MCF2L2: variants seen among roughly 807,000 people sequenced by gnomAD.
MCF2L2 encodes MCF.2 cell line derived transforming sequence-like 2, also known as probable guanine nucleotide exchange factor MCF2L2.
A neutral mutation model predicts 150.2 loss-of-function variants in MCF2L2; 102 were observed. That is an observed-to-expected ratio of 0.68 (90% CI 0.58 to 0.80). The LOEUF (loss-of-function observed/expected upper bound fraction) is 0.80, where lower values mean the gene tolerates loss of function less well. Ranked by LOEUF, MCF2L2 falls within the 30% of genes least tolerant of loss-of-function variation. The pLI, the probability that MCF2L2 is intolerant of heterozygous loss-of-function variation, is 0.00. For synonymous variants in MCF2L2, 465 were observed against 491.3 expected (o/e 0.95, Z 0.71); for missense variants, 1,256 against 1,372.8 (o/e 0.91, Z 1.34).
chr3:183,205,735 T>TGC (rs953724792), intron 25 of MCF2L2, 141 bp downstream of exon 25: 1 of 639,982 alleles, frequency 1.6e-6, no homozygotes, highest in African/African-American at 1.8e-5. Flanking sequence ...CAAGCATAGG[T>TGC]GCTTCCAGGG....
intron 14 of MCF2L2, among the ~76,000 whole-genome samples, chr3:183,279,079 T>G (rs757809271): frequency 6.6e-6 from 1 of 152,172 alleles, no homozygotes; most frequent in Non-Finnish European, 1.5e-5. Flanking sequence ...TACCATGTTT[T>G]ATTAAGGTAT....
At position 183,205,852 on chromosome 3, in the gene MCF2L2, C is replaced by T. The variant is rs777351592; in HGVS notation, c.2884+24G>A. The T allele has an allele frequency of 2.2e-5, 35 of 1,583,982 alleles. No individual in the cohort carries two copies. The Middle Eastern group carries it at 5.0e-4, about 23-fold the overall frequency. ...GCTGAAATCAGTATAACTCGACAGA[C>T]GAAAGTCAGCAGGGGTAACCTACCT... is the stretch of plus-strand genomic sequence containing the variant. On this transcript the variant is annotated intron_variant, in intron 25 of 29. Transcript: ENST00000328913.
At chr3:183,271,075 T>C (rs1300333024) in intron 15 of MCF2L2, 2 of 759,174 alleles carry the variant, frequency 2.6e-6, no homozygotes, top group Non-Finnish European at 4.0e-6. Context: ...GAATGTTTCT[T>C]TGATTCTAGA....
rs767317749 is a variant in MCF2L2 at position 183,219,914 on chromosome 3, T to C, written c.2312A>G (p.Asp771Gly). 6.2e-7 allele frequency: 1 copy of C among 1,613,360 alleles called. No individual in the cohort carries two copies. Among genetic ancestry groups the C allele is most frequent in the Non-Finnish European group, 8.5e-7 (1 of 1,179,368 alleles). Residue 771 changes from aspartate (D) to glycine (G), a missense_variant, in exon 21 of 30, where the codon GAT becomes GGT. By Grantham distance (94) the Asp-to-Gly change is moderately conservative. Coordinates refer to ENST00000328913, the MANE Select transcript of MCF2L2 (RefSeq NM_015078.4). Reference protein sequence around the residue: ...KYQMLLKGLLDFESPEDMEID... With the variant: ...KYQMLLKGLLGFESPEDMEID... ...CTCCATATCTTCAGGAGACTCGAAA[T>C]CCAGCAGACCCTGCATTAACCCAAA...
Position 183,180,164 on chromosome 3 carries a change from G to A in MCF2L2, c.3017-5C>T. 3 of 1,593,974 alleles carry A rather than the reference G, an allele frequency of 1.9e-6. No individual in the cohort carries two copies. Among genetic ancestry groups the A allele is most frequent in the Non-Finnish European group, 2.6e-6 (3 of 1,162,258 alleles). On this transcript the variant is annotated splice_region_variant and splice_polypyrimidine_tract_variant and intron_variant, in intron 27 of 29. Coordinates refer to ENST00000328913, the MANE Select transcript of MCF2L2 (RefSeq NM_015078.4). ...TAAACTCCCTGCTGGAGCAGCCTTA[G>A]GGAGAGAAAGGGAAGGATGGGGCCT...
chr3:183,305,573 G>A lies in MCF2L2; in HGVS notation c.1113+4143C>T, dbSNP rs1170307676. On this transcript the variant is annotated intron_variant, in intron 10 of 29. Transcript: ENST00000328913. This position sits in a 1 kb window ranked among gnomAD's most constrained non-coding sequence, Gnocchi z 4.1. The stretch of plus-strand genomic sequence containing the variant: ...GCCCATAAAGGCAACTGAGGAGGCC[G>A]GGCGCAGTGGGTCACGCCTGTAATC... Among the ~76,000 whole-genome samples the A allele has an allele frequency of 3.9e-5, 6 of 152,150 alleles. No individual in the cohort carries two copies. Among genetic ancestry groups the A allele is most frequent in the African/African-American group, 7.2e-5 (3 of 41,426 alleles).
At chr3:183,260,031 C>T (rs73884611) in intron 15 of MCF2L2, among the ~76,000 whole-genome samples, 22,734 of 152,094 alleles carry the variant, frequency 0.15, 3,960 homozygotes, top group African/African-American at 0.42. Flanking sequence ...CCTCCCCTCC[C>T]GATGAGAACT....
intron 16 of MCF2L2, among the ~76,000 whole-genome samples, chr3:183,230,655 T>C (rs958818512): frequency 3.3e-5 from 5 of 152,266 alleles, no homozygotes; most frequent in African/African-American, 1.2e-4. Flanking sequence ...AATCTTCCCT[T>C]ATTAAAGTAT....
intron 3 of MCF2L2, among the ~76,000 whole-genome samples, chr3:183,350,036 T>C (rs940386782): frequency 6.6e-6 from 1 of 152,194 alleles, no homozygotes; most frequent in African/African-American, 2.4e-5. Flanking sequence ...CTGGCATATA[T>C]GGTCTCCCCG....
chr3:183,366,783 G>C (rs1577096334), intron 3 of MCF2L2, among the ~76,000 whole-genome samples: 1 of 152,236 alleles, frequency 6.6e-6, no homozygotes, highest in African/African-American at 2.4e-5. Flanking sequence ...ACAGCTTGCA[G>C]TAGATCTAGA....
At chr3:183,244,721 G>C (rs1182543399) in intron 15 of MCF2L2, among the ~76,000 whole-genome samples, 1 of 151,970 alleles carries the variant, frequency 6.6e-6, no homozygotes, top group Non-Finnish European at 1.5e-5. Context: ...ATAATACCAT[G>C]CTAATTTCAT....
Position 183,270,450 on chromosome 3 carries a change from T to C in MCF2L2, c.1862+6422A>G. On this transcript the variant is annotated intron_variant, in intron 15 of 29. Coordinates refer to ENST00000328913, the MANE Select transcript of MCF2L2 (RefSeq NM_015078.4). The surrounding 1 kb of genome is among the most constrained non-coding windows in gnomAD (Gnocchi z 4.5). ...TTTAGAACAAATTGGTGTTCAAGAC[T>C]TTTGGATTGGTCGTGTTCATCGTGG... 6.2e-7 allele frequency: 1 copy of C among 1,614,198 alleles called. No homozygotes were observed. Among genetic ancestry groups the C allele is most frequent in the Non-Finnish European group, 8.5e-7 (1 of 1,180,032 alleles).
intron 3 of MCF2L2, chr3:183,373,595 A>G (rs2314347): frequency 0.32 from 48,075 of 151,702 alleles, 11,690 homozygotes; most frequent in African/African-American, 0.68. Flanking sequence ...GCTTCTCCCT[A>G]TCCGCTCCTA....
At chr3:183,395,050 C>T (rs943412154) in intron 1 of MCF2L2, among the ~76,000 whole-genome samples, 2 of 152,192 alleles carry the variant, frequency 1.3e-5, no homozygotes, top group African/African-American at 4.8e-5. Flanking sequence ...CAAGATCATG[C>T]AGAGCCAGAA....
intron 15 of MCF2L2, among the ~76,000 whole-genome samples, chr3:183,251,770 C>T (rs1724549046): frequency 6.6e-6 from 1 of 151,946 alleles, no homozygotes; most frequent in Non-Finnish European, 1.5e-5. Context: ...GGACAGGAAG[C>T]CAGGCTGCTC....
At chr3:183,229,857 C>A (rs767453578) in intron 16 of MCF2L2, 76 bp from the exon 17 acceptor site, 22 of 608,128 alleles carry the variant, frequency 3.6e-5, no homozygotes, top group Middle Eastern at 5.3e-4. Flanking sequence ...ACTGCAAAAC[C>A]CAAAACTTTA....
intron 21 of MCF2L2, 65 bp from the exon 22 acceptor site, chr3:183,216,159 C>T: frequency 6.3e-7 from 1 of 1,576,248 alleles, no homozygotes; most frequent in Non-Finnish European, 8.6e-7. Flanking sequence ...AGAAGGAAAA[C>T]AGGACAGAGA....
chr3:183,413,387 A>C lies in MCF2L2; in HGVS notation c.76+14515T>G, dbSNP rs139658602. ...ATATTTTAAGAAAATCATAAGAGAA[A>C]ATATTGTTAGGGTCACCCCAACCAG... On this transcript the variant is annotated intron_variant, in intron 1 of 29. Transcript: ENST00000328913. 2.7e-3 allele frequency among the ~76,000 whole-genome samples: 405 copies of C among 152,268 alleles called. 3 individuals are homozygous for C. Among genetic ancestry groups the C allele is most frequent in the Non-Finnish European group, 3.5e-3 (240 of 68,018 alleles).
chr3:183,294,927 C>T (rs1349304711), intron 13 of MCF2L2, among the ~76,000 whole-genome samples: 2 of 152,080 alleles, frequency 1.3e-5, no homozygotes, highest in Non-Finnish European at 1.5e-5. Flanking sequence ...CGCGCCCAGC[C>T]TAATTTTTCT....
Sources: allele counts gnomAD v4.1 joint callset (sites outside exome capture counted in the v4.1 genomes callset), GRCh38; gene constraint gnomAD v4.1.1; non-coding constraint Gnocchi (gnomAD v3.1); transcripts MANE v1.5; gene names NCBI Gene and HGNC (gene_info 2026-07-23, HGNC 2026-07-21).